The following JAK2 variants were observed in gnomAD, a reference collection of about 807,000 sequenced individuals.
JAK2 encodes the protein tyrosine-protein kinase JAK2.
In JAK2, 86 loss-of-function variants were observed where a neutral mutation model predicts 139.3. That is an observed-to-expected ratio of 0.62 (90% CI 0.52 to 0.74). JAK2 has a LOEUF of 0.74. Ranked by LOEUF, JAK2 falls within the 30% of genes least tolerant of loss-of-function variation. The pLI, the probability that JAK2 is intolerant of heterozygous loss-of-function variation, is 0.00. For missense variants in JAK2, 1,421 were observed against 1,360.3 expected, an observed-to-expected ratio of 1.04 and a Z score of -0.70; for synonymous variants, 490 against 437.7, an observed-to-expected ratio of 1.12 and a Z score of -1.49.
intron 4 of JAK2, among the ~76,000 whole-genome samples, chr9:5,038,241 C>CT (rs1311990810): frequency 1.3e-5 from 2 of 151,934 alleles, no homozygotes; most frequent in African/African-American, 4.8e-5. Flanking sequence ...ATAGGAACTG[C>CT]TAAAAGAAAG....
intron 23 of JAK2, among the ~76,000 whole-genome samples, chr9:5,125,229 T>C (rs1823896403): frequency 6.6e-6 from 1 of 151,208 alleles, no homozygotes; most frequent in African/African-American, 2.4e-5. Context: ...TATAAAACTT[T>C]TATAACTTTT....
chr9:5,068,024 G>C (rs1254615737), intron 10 of JAK2, among the ~76,000 whole-genome samples: 1 of 152,050 alleles, frequency 6.6e-6, no homozygotes, highest in Non-Finnish European at 1.5e-5. Flanking sequence ...GCTGGGCATG[G>C]TGGTGCGCAC....
intron 12 of JAK2, 36 bp downstream of exon 12, chr9:5,070,088 C>T: frequency 6.8e-7 from 1 of 1,461,926 alleles, no homozygotes. Context: ...TCTTTTTTGT[C>T]CTTTTAAAAC....
chr9:5,017,305 G>C, intron 2 of JAK2, among the ~76,000 whole-genome samples: 1 of 152,162 alleles, frequency 6.6e-6, no homozygotes, highest in Non-Finnish European at 1.5e-5. Flanking sequence ...CCTGAAGGAA[G>C]ACCCAAAACA....
At chr9:5,049,085 G>C (rs1339085213) in intron 5 of JAK2, among the ~76,000 whole-genome samples, 2 of 152,086 alleles carry the variant, frequency 1.3e-5, no homozygotes, top group African/African-American at 2.4e-5. Flanking sequence ...AGTTAATAAA[G>C]TTATCAGCCT....
intron 2 of JAK2, among the ~76,000 whole-genome samples, chr9:5,019,590 C>T (rs547542991): frequency 5.4e-4 from 82 of 152,242 alleles, no homozygotes; most frequent in African/African-American, 1.9e-3. Flanking sequence ...TTGGAGATGT[C>T]ATATTTCCCT....
chr9:4,996,928 C>CTTT (rs1166992356), intron 2 of JAK2, among the ~76,000 whole-genome samples: 35 of 94,654 alleles, frequency 3.7e-4, no homozygotes, highest in Non-Finnish European at 5.3e-4. Context: ...TTAGTTTGTT[C>CTTT]TTTTTTTTTT....
At chr9:5,039,363 T>G (rs1005947010) in intron 4 of JAK2, among the ~76,000 whole-genome samples, 2 of 152,158 alleles carry the variant, frequency 1.3e-5, no homozygotes, top group African/African-American at 4.8e-5. Flanking sequence ...GTATAACAAC[T>G]ATTTACATAA....
rs141844652 is a variant in JAK2, at chr9:5,083,627, A to G, written c.2571+1766A>G. Among the ~76,000 whole-genome samples, 643 of 152,216 alleles carry G rather than the reference A, an allele frequency of 4.2e-3. 4 individuals carry two copies. The highest frequency in any genetic ancestry group is 0.015 in the African/African-American group (618 of 41,542). On this transcript the variant is annotated intron_variant, in intron 19 of 24. Coordinates refer to ENST00000381652, the MANE Select transcript of JAK2 (RefSeq NM_004972.4). ...AAAAAAAGTTCCTTTAGATCCCAAT[A>G]GATTACTAGGCACACAATTTTGTCA...
intron 22 of JAK2, among the ~76,000 whole-genome samples, chr9:5,105,837 T>C (rs1261342964): frequency 6.6e-6 from 1 of 152,200 alleles, no homozygotes; most frequent in Non-Finnish European, 1.5e-5. Context: ...TAATAAATGG[T>C]GCTGGGAAAA....
chr9:5,037,944 AAC>A (rs1816188693), intron 4 of JAK2, among the ~76,000 whole-genome samples: 1 of 152,344 alleles, frequency 6.6e-6, no homozygotes, highest in African/African-American at 2.4e-5. Flanking sequence ...TGAAATTTAA[AAC>A]AGTGTATCCA....
chr9:5,053,453 T>TA (rs751531451), intron 6 of JAK2, among the ~76,000 whole-genome samples: 3 of 152,120 alleles, frequency 2.0e-5, no homozygotes, highest in Non-Finnish European at 4.4e-5. Flanking sequence ...TTCCTGAAGG[T>TA]ATCATTTGTA....
intron 3 of JAK2, among the ~76,000 whole-genome samples, chr9:5,023,545 T>G (rs1442714710): frequency 6.6e-6 from 1 of 152,160 alleles, no homozygotes; most frequent in African/African-American, 2.4e-5. Flanking sequence ...GGCTAGGGTC[T>G]CTCCTGTGAC....
intron 8 of JAK2, among the ~76,000 whole-genome samples, chr9:5,059,059 T>G (rs2130445085): frequency 6.6e-6 from 1 of 152,334 alleles, no homozygotes; most frequent in African/African-American, 2.4e-5. Flanking sequence ...GTTGCCTATT[T>G]TTCTTTTTAC....
chr9:5,074,091 G>C (rs939938778), intron 14 of JAK2, among the ~76,000 whole-genome samples: 2 of 152,042 alleles, frequency 1.3e-5, no homozygotes, highest in African/African-American at 4.8e-5. Flanking sequence ...CATAACATTG[G>C]AATAACTGGC....
intron 11 of JAK2, 74 bp downstream of exon 11, chr9:5,069,282 A>G (rs1012339454): frequency 3.2e-6 from 3 of 943,184 alleles, no homozygotes; most frequent in Non-Finnish European, 4.8e-6. Context: ...TCTTCAGTAC[A>G]TTGATTTCAA....
intron 2 of JAK2, among the ~76,000 whole-genome samples, chr9:4,987,959 T>G (rs2129684880): frequency 6.6e-6 from 1 of 152,226 alleles, no homozygotes; most frequent in African/African-American, 2.4e-5. Context: ...TCGTGTTTCC[T>G]CCTTTCTAGT....
chr9:5,048,202 CG>C (rs1431922042), intron 5 of JAK2, among the ~76,000 whole-genome samples: 1 of 151,792 alleles, frequency 6.6e-6, no homozygotes, highest in Non-Finnish European at 1.5e-5. Flanking sequence ...AGTGCAATGG[CG>C]TGATCTCGGC....
At chr9:5,069,295 G>GAT in intron 11 of JAK2, 87 bp downstream of exon 11, 1 of 817,758 alleles carries the variant, frequency 1.2e-6, no homozygotes, top group African/African-American at 1.8e-5. Flanking sequence ...GATTTCAAAG[G>GAT]ATATATGAAA....
Sources: gnomAD v4.1 joint callset for allele counts (sites outside exome capture counted in the v4.1 genomes callset) on GRCh38, gnomAD v4.1.1 for gene constraint, MANE v1.5 for transcripts, NCBI Gene and HGNC (gene_info 2026-07-23, HGNC 2026-07-21) for gene names.